ZBTB41: variants seen among roughly 807,000 people sequenced by gnomAD.
The protein encoded by ZBTB41 is zinc finger and BTB domain containing 41.
A neutral mutation model predicts 87.6 loss-of-function variants in ZBTB41; 42 were observed. The observed-to-expected ratio is 0.48, with a 90% CI of 0.37 to 0.62. ZBTB41 has a LOEUF of 0.62. Ranked by LOEUF, ZBTB41 falls within the 20% of genes least tolerant of loss-of-function variation. The probability of loss-of-function intolerance (pLI) is 0.00; values close to 1 mark genes in which losing one functional copy is unlikely to be tolerated. For synonymous variants in ZBTB41, 364 were observed against 364.0 expected (o/e 1.00, Z 0.00); for missense variants, 799 against 1,078.9 (o/e 0.74, Z 3.63).
At chr1:197,170,588 T>C (rs1659455291) in intron 10 of ZBTB41, among the ~76,000 whole-genome samples, 1 of 152,128 alleles carries the variant, frequency 6.6e-6, no homozygotes. Flanking sequence ...AAATTGAGTC[T>C]CTGAACCTAT....
At position 197,165,485 on chromosome 1, in the gene ZBTB41, CT is replaced by C. The variant is rs748133084; in HGVS notation, c.2075-5472del. The stretch of plus-strand genomic sequence containing the variant: ...ATTAGCCGGGCATGGTGGCAGGCGC[CT>C]GTAGTCCCAGCTACTCAGGAGGCTG... On this transcript the variant is annotated intron_variant, in intron 10 of 10. Coordinates refer to ENST00000367405, the MANE Select transcript of ZBTB41 (RefSeq NM_194314.3). Among the ~76,000 whole-genome samples the C allele has an allele frequency of 4.0e-5, 6 of 151,894 alleles. 1 individual carries two copies. Among genetic ancestry groups the C allele is most frequent in the Admixed American group, 6.6e-5 (1 of 15,240 alleles).
At position 197,188,383 on chromosome 1, in the gene ZBTB41, A is replaced by C. The variant is rs768149219; in HGVS notation, c.1455T>G (p.His485Gln). The C allele has an allele frequency of 6.2e-7, 1 of 1,613,754 alleles. No individual in the cohort carries two copies. The highest frequency in any genetic ancestry group is 8.5e-7 in the Non-Finnish European group (1 of 1,179,858). Residue 485 changes from histidine (H) to glutamine (Q), a missense_variant, in exon 5 of 11, where the codon CAT becomes CAG. His to Gln is a conservative substitution (Grantham distance 24). Around this residue, in one of 5 missense-constraint regions of ZBTB41, gnomAD observed 198 missense variants for 358.4 expected, o/e 0.55. Transcript: ENST00000367405. Reference sequence around the variant, plus strand: ...TACACTTAAAAGGTTTATCTTGAGAATGTAGAATCATATGTTCCTCCAAGT... The same window carrying C: ...TACACTTAAAAGGTTTATCTTGAGACTGTAGAATCATATGTTCCTCCAAGT... ...RPHLEEHMILHSQDKPFKCTY... is the reference protein window; with the variant it reads ...RPHLEEHMILQSQDKPFKCTY...
intron 6 of ZBTB41, among the ~76,000 whole-genome samples, chr1:197,179,488 T>G (rs7554890): frequency 0.75 from 114,488 of 152,046 alleles, 47,591 homozygotes; most frequent in East Asian, 0.98. Flanking sequence ...ACTATACTTT[T>G]TATCATGATT....
At chr1:197,182,554 CG>C in intron 5 of ZBTB41, among the ~76,000 whole-genome samples, 1 of 152,184 alleles carries the variant, frequency 6.6e-6, no homozygotes, top group South Asian at 2.1e-4. Flanking sequence ...AGATTACAGA[CG>C]TGAGTCACCA....
chr1:197,193,023 T>A (rs1454971705), intron 2 of ZBTB41, among the ~76,000 whole-genome samples: 1 of 152,026 alleles, frequency 6.6e-6, no homozygotes. Context: ...AAAACAGAAG[T>A]ACAATGAAAA....
At chr1:197,165,409 A>T (rs1306389970) in intron 10 of ZBTB41, among the ~76,000 whole-genome samples, 1 of 152,080 alleles carries the variant, frequency 6.6e-6, no homozygotes, top group African/African-American at 2.4e-5. Flanking sequence ...GGAGATCGAG[A>T]CCATCCTGGC....
chr1:197,163,053 CAGAGATT>C (rs1659236761), intron 10 of ZBTB41, among the ~76,000 whole-genome samples: 1 of 152,050 alleles, frequency 6.6e-6, no homozygotes, highest in African/African-American at 2.4e-5. Context: ...TACTGGGAGA[CAGAGATT>C]AGAGTTCAGG....
At chr1:197,176,145 T>C (rs2125129898) in intron 8 of ZBTB41, 1 of 165,188 alleles carries the variant, frequency 6.1e-6, no homozygotes, top group South Asian at 1.5e-4. Flanking sequence ...ATATACACTT[T>C]TAGCACCTAA....
At chr1:197,187,855 G>A (rs1659923119) in intron 5 of ZBTB41, among the ~76,000 whole-genome samples, 1 of 152,160 alleles carries the variant, frequency 6.6e-6, no homozygotes, top group Admixed American at 6.5e-5. Flanking sequence ...AAGGTCAGTG[G>A]TTGCCAGGGG....
chr1:197,193,107 A>G (rs1660074934), intron 2 of ZBTB41, among the ~76,000 whole-genome samples: 1 of 152,210 alleles, frequency 6.6e-6, no homozygotes, highest in Non-Finnish European at 1.5e-5. Flanking sequence ...AAACTCAGTC[A>G]ATATTTAGGC....
At chr1:197,167,172 GTATGTCTGTA>G (rs1659367119) in intron 10 of ZBTB41, among the ~76,000 whole-genome samples, 1 of 152,048 alleles carries the variant, frequency 6.6e-6, no homozygotes, top group South Asian at 2.1e-4. Flanking sequence ...ATATGTATGT[GTATGTCTGTA>G]TATTTATGTG....
chr1:197,173,744 T>C (rs2125128615), intron 9 of ZBTB41, among the ~76,000 whole-genome samples: 1 of 152,208 alleles, frequency 6.6e-6, no homozygotes, highest in Admixed American at 6.5e-5. Context: ...CCTTATTCCA[T>C]TCATATCCAT....
At chr1:197,180,011 G>A (rs537411089) in intron 6 of ZBTB41, among the ~76,000 whole-genome samples, 32 of 152,082 alleles carry the variant, frequency 2.1e-4, no homozygotes, top group Admixed American at 7.2e-4. Flanking sequence ...ACTAATGTCC[G>A]CGGCCTTCAC....
intron 10 of ZBTB41, among the ~76,000 whole-genome samples, chr1:197,167,142 T>G (rs773046239): frequency 1.2e-4 from 18 of 152,136 alleles, no homozygotes; most frequent in Non-Finnish European, 2.1e-4. Context: ...TTATACAGGA[T>G]AATATATCAT....
intron 5 of ZBTB41, among the ~76,000 whole-genome samples, chr1:197,184,884 G>A (rs1028461627): frequency 6.6e-6 from 1 of 151,948 alleles, no homozygotes; most frequent in Non-Finnish European, 1.5e-5. Context: ...GCGCGATCTT[G>A]ACTCACCACA....
Position 197,176,603 on chromosome 1 carries a change from G to A in ZBTB41, c.1840C>T (p.Arg614Cys), listed in dbSNP as rs371013293. 2.5e-6 allele frequency: 4 copies of A among 1,611,808 alleles called. No individual in the cohort carries two copies. Among genetic ancestry groups the A allele is most frequent in the Non-Finnish European group, 3.4e-6 (4 of 1,178,954 alleles). The change falls in exon 8 of 11, where the codon CGT becomes TGT. Residue 614 changes from arginine to cysteine, a missense_variant. Transcript: ENST00000367405. Reference protein sequence around the residue: ...ECDECGKTFIRHDHLTKHKKI... With the variant: ...ECDECGKTFICHDHLTKHKKI... ...TTGTGCTTTGTAAGGTGATCATGAC[G>A]GATAAATGTTTTTCCACATTCATCG...
rs1007667556 is a variant in ZBTB41, at chr1:197,155,232, A to T, written c.*4127T>A. The stretch of plus-strand genomic sequence containing the variant: ...TATAAAGGCCACAACAGAGATTTTT[A>T]AAATGATATATAAATCATAAAAACA... On this transcript the variant is annotated 3_prime_UTR_variant, in exon 11 of 11. Transcript: ENST00000367405. 9.8e-5 allele frequency: 15 copies of T among 152,538 alleles called. 1 individual carries two copies. In the East Asian group the frequency reaches 2.9e-3, roughly 29 times the overall value. The allele number at this position is 152,538 out of a possible 1,614,324, so 9.4% of individuals were successfully genotyped here.
At chr1:197,163,845 T>C (rs1659255487) in intron 10 of ZBTB41, among the ~76,000 whole-genome samples, 1 of 151,550 alleles carries the variant, frequency 6.6e-6, no homozygotes, top group African/African-American at 2.4e-5. Flanking sequence ...AAGTGCCAAA[T>C]GAAAAAAGCT....
intron 10 of ZBTB41, among the ~76,000 whole-genome samples, chr1:197,164,494 C>CA (rs1393286228): frequency 6.6e-6 from 1 of 150,456 alleles, no homozygotes; most frequent in African/African-American, 2.4e-5. Flanking sequence ...TAAACAATAC[C>CA]AAAAGATGCA....
Sources: gnomAD v4.1 joint callset for allele counts (sites outside exome capture counted in the v4.1 genomes callset) on GRCh38, gnomAD v4.1.1 for gene constraint, gnomAD v4.1.1 regional missense constraint, MANE v1.5 for transcripts, NCBI Gene and HGNC (gene_info 2026-07-23, HGNC 2026-07-21) for gene names.